Variants in CCSER1 observed in about 807,000 individuals in gnomAD.
CCSER1 encodes the protein coiled-coil serine rich protein 1.
Under a neutral mutation model 82.0 loss-of-function variants are expected in CCSER1, and 41 were observed. The observed-to-expected ratio is 0.50, with a 90% CI of 0.39 to 0.65. The LOEUF is 0.65. CCSER1 is among the 30% of genes least tolerant of loss of function. The pLI, the probability that CCSER1 is intolerant of heterozygous loss-of-function variation, is 0.00. For synonymous variants in CCSER1, 414 were observed against 383.9 expected, an observed-to-expected ratio of 1.08 and a Z score of -0.92; for missense variants, 1,119 against 1,064.2, an observed-to-expected ratio of 1.05 and a Z score of -0.72.
intron 1 of CCSER1, among the ~76,000 whole-genome samples, chr4:90,271,863 T>TA (rs61116868): frequency 0.018 from 338 of 18,982 alleles, 1 homozygote; most frequent in Middle Eastern, 0.028. Context: ...TATATATATA[T>TA]TTTTTTTTTT....
At chr4:91,493,213 T>C (rs1012674024) in intron 10 of CCSER1, among the ~76,000 whole-genome samples, 16 of 151,678 alleles carry the variant, frequency 1.1e-4, no homozygotes, top group African/African-American at 3.9e-4. Flanking sequence ...TTATGTTAGA[T>C]TTATACACAC....
chr4:90,277,241 G>A (rs1170546085), intron 1 of CCSER1, among the ~76,000 whole-genome samples: 3 of 152,082 alleles, frequency 2.0e-5, no homozygotes, highest in Non-Finnish European at 2.9e-5. Context: ...ACTGCCCAGA[G>A]CAATTTATGG....
At chr4:90,385,851 T>C (rs1255059606) in intron 3 of CCSER1, among the ~76,000 whole-genome samples, 1 of 152,202 alleles carries the variant, frequency 6.6e-6, no homozygotes, top group Non-Finnish European at 1.5e-5. Context: ...TTTTTCTTGC[T>C]GATTTGTTTG....
At chr4:90,396,824 T>C (rs1372634861) in intron 3 of CCSER1, among the ~76,000 whole-genome samples, 1 of 152,124 alleles carries the variant, frequency 6.6e-6, no homozygotes, top group East Asian at 1.9e-4. Flanking sequence ...TTTCTTTCTT[T>C]TCCCTTTCTC....
chr4:90,616,380 T>A (rs2148850530), intron 5 of CCSER1, among the ~76,000 whole-genome samples: 1 of 152,080 alleles, frequency 6.6e-6, no homozygotes, highest in South Asian at 2.1e-4. Context: ...TGTCGAAGAA[T>A]AAGAGAAAAA....
intron 7 of CCSER1, among the ~76,000 whole-genome samples, chr4:90,805,074 CTG>C (rs1254326555): frequency 3.0e-5 from 4 of 133,498 alleles, no homozygotes. Context: ...TTACACTAAT[CTG>C]AACTATAATA....
intron 10 of CCSER1, among the ~76,000 whole-genome samples, chr4:91,506,730 A>G (rs1759511706): frequency 6.6e-6 from 1 of 152,198 alleles, no homozygotes; most frequent in African/African-American, 2.4e-5. Context: ...AGTTGTTTTC[A>G]GTATGTGCAT....
At chr4:91,477,317 T>C (rs568009459) in intron 10 of CCSER1, among the ~76,000 whole-genome samples, 186 of 151,858 alleles carry the variant, frequency 1.2e-3, no homozygotes, top group African/African-American at 4.4e-3. Context: ...AATTTTTAAA[T>C]TGGTTTTCCT....
chr4:90,884,596 A>T (rs1333372166), intron 8 of CCSER1, among the ~76,000 whole-genome samples: 3 of 152,290 alleles, frequency 2.0e-5, no homozygotes, highest in African/African-American at 7.2e-5. Flanking sequence ...TTATAAAAAA[A>T]TTCTGAAGGA....
In CCSER1 at chr4:90,763,173, T is replaced by C. The variant is rs150763033; in HGVS notation, c.2010+39182T>C. ...GTGAGAATTGTCATAATTTTCCTTG[T>C]GAATTTGCATATTTTCATAATACAA... On this transcript the variant is annotated intron_variant, in intron 7 of 10. Transcript: ENST00000509176. Among the ~76,000 whole-genome samples, 1,364 of 152,106 alleles carry C rather than the reference T, an allele frequency of 9.0e-3. 21 individuals are homozygous for C. Among genetic ancestry groups the C allele is most frequent in the African/African-American group, 0.031 (1,286 of 41,492 alleles).
At chr4:90,903,313 AG>A (rs930531161) in intron 8 of CCSER1, among the ~76,000 whole-genome samples, 15 of 152,020 alleles carry the variant, frequency 9.9e-5, no homozygotes, top group African/African-American at 3.4e-4. Flanking sequence ...TGGGTTTATC[AG>A]GGGCTTCCAC....
At chr4:90,376,395 T>A (rs760691366) in intron 3 of CCSER1, among the ~76,000 whole-genome samples, 1 of 152,218 alleles carries the variant, frequency 6.6e-6, no homozygotes, top group Non-Finnish European at 1.5e-5. Context: ...ATGGCAGACA[T>A]AGAAGATAGA....
intron 1 of CCSER1, among the ~76,000 whole-genome samples, chr4:90,258,405 G>A (rs1423247463): frequency 2.6e-5 from 4 of 152,072 alleles, no homozygotes; most frequent in Admixed American, 2.6e-4. Context: ...CCAGCTACTC[G>A]GGAGACTGAG....
chr4:90,476,492 A>G (rs998769120), intron 5 of CCSER1, among the ~76,000 whole-genome samples: 7 of 152,010 alleles, frequency 4.6e-5, no homozygotes, highest in African/African-American at 1.7e-4. Context: ...TGTTTTGTCA[A>G]CTATGCTGTA....
chr4:90,810,696 T>C (rs912365507), intron 7 of CCSER1, among the ~76,000 whole-genome samples: 2 of 151,648 alleles, frequency 1.3e-5, no homozygotes, highest in African/African-American at 4.8e-5. Flanking sequence ...ACTAGTTCAG[T>C]GAGGTTGGGG....
intron 1 of CCSER1, among the ~76,000 whole-genome samples, chr4:90,259,986 G>A (rs987383049): frequency 1.2e-4 from 18 of 152,116 alleles, no homozygotes; most frequent in Non-Finnish European, 7.4e-5. Flanking sequence ...TTCATCGAAT[G>A]ACTTAGGGAA....
chr4:90,738,645 G>T (rs142766870), intron 7 of CCSER1, among the ~76,000 whole-genome samples: 2 of 152,098 alleles, frequency 1.3e-5, no homozygotes, highest in Admixed American at 1.3e-4. Context: ...GCTATCACCT[G>T]TGTTCACTCA....
intron 10 of CCSER1, among the ~76,000 whole-genome samples, chr4:91,512,613 T>C (rs1433696278): frequency 6.6e-6 from 1 of 152,156 alleles, no homozygotes; most frequent in Non-Finnish European, 1.5e-5. Context: ...TAAACTCCCT[T>C]TTATATATAC....
At chr4:91,430,382 C>T (rs1465958852) in intron 10 of CCSER1, among the ~76,000 whole-genome samples, 1 of 152,178 alleles carries the variant, frequency 6.6e-6, no homozygotes, top group Non-Finnish European at 1.5e-5. Context: ...TACTTTACTA[C>T]AGACTATGTG....
Sources: gnomAD v4.1 joint callset for allele counts (sites outside exome capture counted in the v4.1 genomes callset) on GRCh38, gnomAD v4.1.1 for gene constraint, MANE v1.5 for transcripts, NCBI Gene and HGNC (gene_info 2026-07-23, HGNC 2026-07-21) for gene names.